The following ESRRG variants were observed in gnomAD, a reference collection of about 807,000 sequenced individuals.
ESRRG encodes estrogen-related receptor gamma.
Under a neutral mutation model 44.0 loss-of-function variants are expected in ESRRG, and 13 were observed. The observed-to-expected ratio is 0.30, with a 90% CI of 0.19 to 0.47. The LOEUF (loss-of-function observed/expected upper bound fraction) is 0.47, where lower values mean the gene tolerates loss of function less well. Ranked by LOEUF, ESRRG falls within the 20% of genes least tolerant of loss-of-function variation. The pLI is 1.00. For synonymous variants in ESRRG, 215 were observed against 214.6 expected, an observed-to-expected ratio of 1.00 and a Z score of -0.02; for missense variants, 395 against 580.6, an observed-to-expected ratio of 0.68 and a Z score of 3.29.
chr1:216,619,393 A>G lies in ESRRG; in HGVS notation c.589+31580T>C, dbSNP rs148591776. Among the ~76,000 whole-genome samples, 178 of 152,324 alleles carry G rather than the reference A, an allele frequency of 1.2e-3. 2 individuals are homozygous for G. The highest frequency in any genetic ancestry group is 4.0e-3 in the African/African-American group (168 of 41,586). On this transcript the variant is annotated intron_variant, in intron 3 of 6. Transcript: ENST00000408911. Reference sequence around the variant, plus strand: ...GGCCACCTTCATTCTATTGTGGATCACCAATTCATCAAACAGCCCATTATC... The same window carrying G: ...GGCCACCTTCATTCTATTGTGGATCGCCAATTCATCAAACAGCCCATTATC...
At chr1:216,773,759 A>G (rs1163943989) in intron 2 of ESRRG, among the ~76,000 whole-genome samples, 1 of 152,110 alleles carries the variant, frequency 6.6e-6, no homozygotes, top group Non-Finnish European at 1.5e-5. Flanking sequence ...TACAACAGAT[A>G]AGATGAACAG....
intron 3 of ESRRG, among the ~76,000 whole-genome samples, chr1:216,632,781 C>A (rs2150730932): frequency 6.6e-6 from 1 of 151,346 alleles, no homozygotes; most frequent in East Asian, 1.9e-4. Context: ...GGGGAGGTTC[C>A]CCAATATGTA....
At chr1:216,749,022 G>A (rs2789733) in intron 2 of ESRRG, among the ~76,000 whole-genome samples, 116,602 of 151,916 alleles carry the variant, frequency 0.77, 45,852 homozygotes, top group South Asian at 0.9. Context: ...CTTTTAATTT[G>A]TCATGGCTCC....
At chr1:217,036,693 C>A (rs1283680840) in intron 1 of ESRRG, among the ~76,000 whole-genome samples, 2 of 151,932 alleles carry the variant, frequency 1.3e-5, no homozygotes, top group East Asian at 3.9e-4. Context: ...GGAAAAGGAC[C>A]AGGAAAAGTA....
intron 1 of ESRRG, among the ~76,000 whole-genome samples, chr1:217,080,541 T>C (rs2091657197): frequency 6.6e-6 from 1 of 152,186 alleles, no homozygotes. Context: ...CCTGATGAAT[T>C]CTGGTAAAAG....
At chr1:216,684,153 G>C (rs2077517194) in intron 1 of ESRRG, among the ~76,000 whole-genome samples, 1 of 152,218 alleles carries the variant, frequency 6.6e-6, no homozygotes, top group Admixed American at 6.5e-5. Context: ...TTACTATGCT[G>C]TGCAAGCTGG....
chr1:217,042,095 C>A (rs940064676), intron 1 of ESRRG, among the ~76,000 whole-genome samples: 13 of 152,136 alleles, frequency 8.5e-5, no homozygotes, highest in Admixed American at 7.9e-4. Flanking sequence ...GGTGGGCTTG[C>A]TCTAACCATA....
At chr1:216,775,984 G>A (rs985319783) in intron 2 of ESRRG, among the ~76,000 whole-genome samples, 3 of 152,056 alleles carry the variant, frequency 2.0e-5, no homozygotes, top group Non-Finnish European at 4.4e-5. Context: ...TCCTATAAGT[G>A]ATTTCCAGTT....
chr1:216,561,051 G>C (rs1293153202), intron 5 of ESRRG, among the ~76,000 whole-genome samples: 1 of 151,792 alleles, frequency 6.6e-6, no homozygotes, highest in Non-Finnish European at 1.5e-5. Context: ...TTTTCTTCTA[G>C]AGATAAAGTA....
At chr1:217,011,673 T>C (rs2078642068) in intron 1 of ESRRG, among the ~76,000 whole-genome samples, 1 of 152,146 alleles carries the variant, frequency 6.6e-6, no homozygotes, top group Non-Finnish European at 1.5e-5. Flanking sequence ...TGTCCACATA[T>C]GCACAAACAC....
chr1:217,082,857 A>C (rs1217794759), intron 1 of ESRRG, among the ~76,000 whole-genome samples: 2 of 152,174 alleles, frequency 1.3e-5, no homozygotes, highest in Non-Finnish European at 2.9e-5. Flanking sequence ...TACTGCTAAT[A>C]TTTCAGTATA....
intron 2 of ESRRG, among the ~76,000 whole-genome samples, chr1:216,674,109 A>G (rs960514581): frequency 6.6e-6 from 1 of 152,232 alleles, no homozygotes; most frequent in African/African-American, 2.4e-5. Context: ...TAACAGTTTG[A>G]ATTGTATATA....
Position 216,979,322 on chromosome 1 carries a change from G to A in ESRRG, c.-105-39649C>T, listed in dbSNP as rs1003737647. Among the ~76,000 whole-genome samples the A allele has an allele frequency of 6.6e-5, 10 of 152,238 alleles. No homozygotes were observed. In the East Asian group the frequency reaches 1.7e-3, roughly 26 times the overall value. On this transcript the variant is annotated intron_variant, in intron 1 of 7. Coordinates refer to the ESRRG transcript ENST00000359162. ...CTCCCAACTCTCAACTAACTTTAGA[G>A]TTCTGCTTTGAGATTTGACATGAAA...
rs1465091597 is a variant in ESRRG at position 216,832,321 on chromosome 1, G to A, written c.-14+107261C>T. ...TTCCAGGAATTCCTTGCTCAACATT[G>A]ACTGACGCTGCTAAGCTGAACTGAA... On this transcript the variant is annotated intron_variant, in intron 2 of 7. Coordinates refer to the ESRRG transcript ENST00000359162. Among the ~76,000 whole-genome samples the A allele has an allele frequency of 2.6e-5, 4 of 152,264 alleles. No individual in the cohort carries two copies. In the Middle Eastern group the frequency reaches 0.01, roughly 388 times the overall value.
intron 2 of ESRRG, 107 bp downstream of exon 2, chr1:216,676,969 A>G: frequency 1.3e-6 from 1 of 769,624 alleles, no homozygotes; most frequent in South Asian, 1.8e-5. Context: ...TACTCAAGAG[A>G]GAATTAAAAC....
At chr1:216,939,365 A>C (rs1045795172) in intron 2 of ESRRG, among the ~76,000 whole-genome samples, 3 of 139,698 alleles carry the variant, frequency 2.1e-5, no homozygotes, top group Admixed American at 7.0e-5. Flanking sequence ...AAAAAAAAAA[A>C]AAAAACACTT....
chr1:216,552,964 C>T (rs552038622), intron 5 of ESRRG, among the ~76,000 whole-genome samples: 1 of 152,012 alleles, frequency 6.6e-6, no homozygotes, highest in African/African-American at 2.4e-5. Flanking sequence ...CATGTTTTTC[C>T]GCAAAAGATG....
At chr1:216,812,111 C>T (rs1385651771) in intron 2 of ESRRG, among the ~76,000 whole-genome samples, 2 of 152,098 alleles carry the variant, frequency 1.3e-5, no homozygotes, top group Non-Finnish European at 2.9e-5. Context: ...AGGTAGGAGG[C>T]ATAATTACCC....
At chr1:216,986,307 C>T (rs973058621) in intron 1 of ESRRG, among the ~76,000 whole-genome samples, 1 of 152,050 alleles carries the variant, frequency 6.6e-6, no homozygotes, top group Non-Finnish European at 1.5e-5. Flanking sequence ...CTTGTAGGAA[C>T]GCTTCTACCA....
Sources: allele counts gnomAD v4.1 joint callset (sites outside exome capture counted in the v4.1 genomes callset), GRCh38; gene constraint gnomAD v4.1.1; transcripts MANE v1.5; gene names NCBI Gene and HGNC (gene_info 2026-07-23, HGNC 2026-07-21).